NBDY: variants seen among roughly 807,000 people sequenced by gnomAD.
NBDY encodes the protein P-body dissociating protein.
At chrX:56,753,643 C>CA (rs958823779) in intron 2 of NBDY, among the ~76,000 whole-genome samples, 3 of 109,282 alleles carry the variant, frequency 2.7e-5, no homozygotes, top group Admixed American at 9.7e-5. Context: ...ACTGAATTGA[C>CA]AAAAAAAAGT....
rs186729669 is a variant in NBDY at position 56,750,815 on chromosome X, C to T, written c.*166+18616C>T. ...CATTTCCAAAACTCTAGTCCCATTCCCCGGTTTGGACCCTCAACATTTTTC... is the reference window on the plus strand; with the variant it reads ...CATTTCCAAAACTCTAGTCCCATTCTCCGGTTTGGACCCTCAACATTTTTC... On this transcript the variant is annotated intron_variant, in intron 2 of 2. Transcript: ENST00000374922. Among the ~76,000 whole-genome samples, 989 of 111,242 alleles carry T rather than the reference C, an allele frequency of 8.9e-3. 13 individuals carry two copies. The highest frequency in any genetic ancestry group is 0.031 in the African/African-American group (939 of 30,587).
intron 2 of NBDY, among the ~76,000 whole-genome samples, chrX:56,748,776 T>G (rs1277149133): frequency 9.9e-6 from 1 of 100,660 alleles, no homozygotes; most frequent in Non-Finnish European, 2.0e-5. Context: ...GGTTTCCGTG[T>G]TGTGAGAGCA....
intron 2 of NBDY, among the ~76,000 whole-genome samples, chrX:56,815,716 A>G (rs947814503): frequency 3.6e-5 from 4 of 112,307 alleles, no homozygotes; most frequent in Non-Finnish European, 5.6e-5. Flanking sequence ...TAAAATATTT[A>G]AGTTTATGTG....
chrX:56,757,763 T>C (rs946593080), intron 2 of NBDY, among the ~76,000 whole-genome samples: 1 of 109,847 alleles, frequency 9.1e-6, no homozygotes, highest in African/African-American at 3.3e-5. Flanking sequence ...ATCCAACCAT[T>C]GGGGCTGTAG....
At chrX:56,736,264 A>T (rs776764619) in intron 2 of NBDY, among the ~76,000 whole-genome samples, 1 of 111,973 alleles carries the variant, frequency 8.9e-6, no homozygotes, top group African/African-American at 3.2e-5. Flanking sequence ...AACATTGAAT[A>T]ATTCTATTTT....
At chrX:56,743,238 A>G in intron 2 of NBDY, among the ~76,000 whole-genome samples, 1 of 111,345 alleles carries the variant, frequency 9.0e-6, no homozygotes, top group Non-Finnish European at 1.9e-5. Flanking sequence ...GTTTGCATCA[A>G]TATTTATCAG....
At chrX:56,810,259 G>A (rs1472432119) in intron 2 of NBDY, among the ~76,000 whole-genome samples, 2 of 111,090 alleles carry the variant, frequency 1.8e-5, no homozygotes, top group Non-Finnish European at 3.8e-5. Flanking sequence ...TATGTTTGTG[G>A]TGTTTTCTGT....
intron 2 of NBDY, among the ~76,000 whole-genome samples, chrX:56,759,387 G>A (rs969424123): frequency 1.4e-4 from 16 of 112,263 alleles, no homozygotes; most frequent in Non-Finnish European, 1.9e-4. Flanking sequence ...GCTGGATGCC[G>A]AAACAGGATT....
At chrX:56,759,491 C>T (rs1182892795) in intron 2 of NBDY, among the ~76,000 whole-genome samples, 2 of 111,463 alleles carry the variant, frequency 1.8e-5, no homozygotes, top group Non-Finnish European at 3.8e-5. Context: ...TTTTTCTCCC[C>T]ACTTTTTCTC....
chrX:56,798,824 T>C (rs2069806907), intron 2 of NBDY, among the ~76,000 whole-genome samples: 1 of 111,906 alleles, frequency 8.9e-6, no homozygotes, highest in African/African-American at 3.3e-5. Context: ...ACCTGTGAGT[T>C]TTGGTGGTCA....
chrX:56,788,213 T>A (rs1459631131), intron 2 of NBDY, among the ~76,000 whole-genome samples: 1 of 112,630 alleles, frequency 8.9e-6, no homozygotes, highest in Non-Finnish European at 1.9e-5. Flanking sequence ...TGTTCCTTTC[T>A]CTTCTCCTTA....
chrX:56,798,151 A>C (rs1358363539), intron 2 of NBDY, among the ~76,000 whole-genome samples: 1 of 112,259 alleles, frequency 8.9e-6, no homozygotes, highest in Non-Finnish European at 1.9e-5. Context: ...CTGGGTCCTC[A>C]TGCCATTGAT....
chrX:56,804,631 C>A (rs1316711609), intron 2 of NBDY, among the ~76,000 whole-genome samples: 1 of 112,376 alleles, frequency 8.9e-6, no homozygotes, highest in Non-Finnish European at 1.9e-5. Context: ...GCTGGCGTGT[C>A]TTTGCAGATG....
intron 2 of NBDY, among the ~76,000 whole-genome samples, chrX:56,809,809 G>GT (rs1250702280): frequency 1.8e-5 from 2 of 111,839 alleles, no homozygotes; most frequent in African/African-American, 3.3e-5. Flanking sequence ...ATGCTAGCTG[G>GT]TTTTTTTGCC....
chrX:56,751,816 C>T lies in NBDY; in HGVS notation c.*166+19617C>T, dbSNP rs757848605. The stretch of plus-strand genomic sequence containing the variant: ...TTATTTTACTTGTAGGGGCTACATA[C>T]GCAGGTTTATTACATGGATGTATTG... On this transcript the variant is annotated intron_variant, in intron 2 of 2. Transcript: ENST00000374922. Among the ~76,000 whole-genome samples the T allele has an allele frequency of 2.2e-4, 25 of 112,124 alleles. 1 individual carries two copies. Among genetic ancestry groups the T allele is most frequent in the Non-Finnish European group, 3.9e-4 (21 of 53,173 alleles).
intron 2 of NBDY, among the ~76,000 whole-genome samples, chrX:56,792,916 C>T (rs759984358): frequency 9.0e-6 from 1 of 111,707 alleles, no homozygotes; most frequent in African/African-American, 3.3e-5. Context: ...ACGGACCCTG[C>T]AACCAGGGTA....
At chrX:56,792,191 G>A (rs1245685909) in intron 2 of NBDY, among the ~76,000 whole-genome samples, 1 of 110,656 alleles carries the variant, frequency 9.0e-6, no homozygotes, top group South Asian at 3.8e-4. Context: ...AGTCCCTCTG[G>A]TCCACCAAAA....
chrX:56,763,738 T>G (rs1047213427), intron 2 of NBDY, among the ~76,000 whole-genome samples: 6 of 112,908 alleles, frequency 5.3e-5, no homozygotes, highest in Non-Finnish European at 1.1e-4. Context: ...TCCAGCCTAC[T>G]GGTCCTGGTC....
chrX:56,736,270 A>AT (rs1023556180), intron 2 of NBDY, among the ~76,000 whole-genome samples: 27 of 111,487 alleles, frequency 2.4e-4, no homozygotes, highest in Admixed American at 1.9e-4. Context: ...GAATAATTCT[A>AT]TTTTTTTCTT....
Sources: allele counts gnomAD v4.1 joint callset (sites outside exome capture counted in the v4.1 genomes callset), GRCh38; gene constraint gnomAD v4.1.1; transcripts MANE v1.5; gene names NCBI Gene and HGNC (gene_info 2026-07-23, HGNC 2026-07-21).